The following TRIM63 variants were observed in gnomAD, a reference collection of about 807,000 sequenced individuals.
The protein encoded by TRIM63 is E3 ubiquitin-protein ligase TRIM63.
TRIM63 carries 48 observed loss-of-function variants against 46.0 expected under a neutral mutation model. The ratio of observed to expected loss-of-function variants is 1.04; its 90% CI spans 0.83 to 1.33. The LOEUF is 1.33. TRIM63 is among the 40% of genes most tolerant of loss of function. TRIM63 has a pLI of 0.00. For synonymous variants in TRIM63, 175 were observed against 162.8 expected (o/e 1.08, Z -0.57); for missense variants, 455 against 441.2 (o/e 1.03, Z -0.28).
chr1:26,053,317 A>G (rs997102334), intron 8 of TRIM63, among the ~76,000 whole-genome samples: 4 of 152,078 alleles, frequency 2.6e-5, no homozygotes, highest in Non-Finnish European at 5.9e-5. Flanking sequence ...CAGTGGCACG[A>G]TCTCGGCTCA....
intron 2 of TRIM63, among the ~76,000 whole-genome samples, chr1:26,061,760 A>G (rs1224704619): frequency 6.6e-6 from 1 of 152,228 alleles, no homozygotes; most frequent in Non-Finnish European, 1.5e-5. Flanking sequence ...CCTAGAGTTC[A>G]GTTGCTCTAA....
intron 2 of TRIM63, among the ~76,000 whole-genome samples, chr1:26,061,541 G>A (rs574318408): frequency 6.6e-6 from 1 of 152,176 alleles, no homozygotes; most frequent in Non-Finnish European, 1.5e-5. Flanking sequence ...TTCATCTTCT[G>A]GGGACCAAGG....
rs2050545615 is a variant in TRIM63 at position 26,053,942 on chromosome 1, A to G, written c.1002T>C (p.Ile334=). Residue 334 remains isoleucine (I), a synonymous_variant, in exon 8 of 9, where the codon ATT becomes ATC. Transcript: ENST00000374272. ...FGTDEEEEEF[I]EEEDQEEEES... is the part of the protein sequence containing the mutation. ...CTTCCTCTTCCTGATCTTCTTCTTC[A>G]ATGAATTCTTCCTCTTCCTCATCTG... The G allele has an allele frequency of 3.1e-6, 5 of 1,593,334 alleles. No homozygotes were observed. The highest frequency in any genetic ancestry group is 4.3e-6 in the Non-Finnish European group (5 of 1,174,194).
At chr1:26,063,806 G>C (rs1449228066) in intron 2 of TRIM63, among the ~76,000 whole-genome samples, 2 of 152,218 alleles carry the variant, frequency 1.3e-5, no homozygotes, top group African/African-American at 4.8e-5. Context: ...TCAATAGAGG[G>C]CAGCTGTCAT....
chr1:26,053,837 A>G, intron 8 of TRIM63, 56 bp downstream of exon 8: 1 of 1,338,322 alleles, frequency 7.5e-7, no homozygotes, highest in South Asian at 1.2e-5. Context: ...TAGGCACCTC[A>G]GATTGTTGTG....
rs1283090093 is a variant in TRIM63, at chr1:26,066,412, C to T, written c.188G>A (p.Gly63Asp). 1 of 1,604,708 alleles carries T rather than the reference C, an allele frequency of 6.2e-7. No individual in the cohort carries two copies. Among genetic ancestry groups the T allele is most frequent in the Non-Finnish European group, 8.5e-7 (1 of 1,174,562 alleles). ...GCCTCCAGACATGGACACTGAGCTG[C>T]CCCGGCTGGTCCAGTAGGGATTTGC... ...QAANPYWTSRGSSVSMSGGRF... is the reference protein window; with the variant it reads ...QAANPYWTSRDSSVSMSGGRF... The change falls in exon 2 of 9, where the codon GGC (glycine) becomes GAC (aspartate). Residue 63 changes from glycine to aspartate, a missense_variant. Gly to Asp is a moderately conservative substitution (Grantham distance 94, BLOSUM62 -1). Coordinates refer to ENST00000374272, the MANE Select transcript of TRIM63 (RefSeq NM_032588.4).
At chr1:26,058,298 G>A in intron 5 of TRIM63, 92 bp downstream of exon 5, 1 of 1,126,322 alleles carries the variant, frequency 8.9e-7, no homozygotes, top group Non-Finnish European at 1.3e-6. Flanking sequence ...GCTTTTCCAA[G>A]GGCCCATGGG....
chr1:26,053,773 TG>T, intron 8 of TRIM63, 119 bp downstream of exon 8: 2 of 754,186 alleles, frequency 2.7e-6, no homozygotes, highest in Non-Finnish European at 2.2e-6. Context: ...AAGCACGTGC[TG>T]GGGACAGTTC....
In TRIM63 at chr1:26,057,202, C is replaced by T. The variant is rs112224658; in HGVS notation, c.979+1G>A. On this transcript the variant is annotated splice_donor_variant, in intron 7 of 8. Transcript: ENST00000374272. LOFTEE classifies it high-confidence loss of function. Reference sequence around the variant, plus strand: ...ACAAGTGGCATCACCACCTCCTTTACCTGTCCCAAAGTCAATGGCTCTCAG... The same window carrying T: ...ACAAGTGGCATCACCACCTCCTTTATCTGTCCCAAAGTCAATGGCTCTCAG... 1 of 1,614,022 alleles carries T rather than the reference C, an allele frequency of 6.2e-7. No individual in the cohort carries two copies. The highest frequency in any genetic ancestry group is 1.3e-5 in the African/African-American group (1 of 74,926).
At chr1:26,055,148 T>C (rs2050559671) in intron 7 of TRIM63, among the ~76,000 whole-genome samples, 1 of 152,196 alleles carries the variant, frequency 6.6e-6, no homozygotes, top group South Asian at 2.1e-4. Context: ...TGAATCTGCA[T>C]CGTCTTATAA....
chr1:26,053,960 C>T lies in TRIM63; in HGVS notation c.984G>A (p.Glu328=), dbSNP rs1002476028. 1.6e-5 allele frequency: 25 copies of T among 1,582,320 alleles called. No homozygotes were observed. The highest frequency in any genetic ancestry group is 2.1e-5 in the Non-Finnish European group (24 of 1,169,776). ...CTTCTTCAATGAATTCTTCCTCTTC[C>T]TCATCTGTGACAAAAAAACATTTGT... ...ALRAIDFGTD[E]EEEEFIEEED... The change falls in exon 8 of 9, where the codon GAG becomes GAA. Residue 328 remains glutamate (E), a synonymous_variant. Coordinates refer to ENST00000374272, the MANE Select transcript of TRIM63 (RefSeq NM_032588.4).
chr1:26,052,955 T>C (rs973081451), intron 8 of TRIM63, among the ~76,000 whole-genome samples: 3 of 152,222 alleles, frequency 2.0e-5, no homozygotes, highest in African/African-American at 7.2e-5. Flanking sequence ...AATTTTTTCT[T>C]TTAAGAGACA....
At chr1:26,057,683 C>G (rs771550932) in intron 5 of TRIM63, 33 bp from the exon 6 acceptor site, 41 of 1,590,058 alleles carry the variant, frequency 2.6e-5, no homozygotes, top group Admixed American at 3.7e-5. Flanking sequence ...GGATTAGGAC[C>G]GCAGAAGAGG....
intron 8 of TRIM63, among the ~76,000 whole-genome samples, chr1:26,052,569 C>T (rs189551133): frequency 1.1e-3 from 164 of 152,198 alleles, no homozygotes; most frequent in African/African-American, 3.8e-3. Flanking sequence ...GGGGTTCTAG[C>T]GATTCTCCTG....
chr1:26,057,304 C>T lies in TRIM63; in HGVS notation c.878G>A (p.Cys293Tyr). Residue 293 changes from cysteine to tyrosine, a missense_variant, in exon 7 of 9, where the codon TGC becomes TAC. By Grantham distance (194) the Cys-to-Tyr change is radical. Transcript: ENST00000374272. ...IKSIVEASKG[C>Y]QLGKTEQGFE... ...GCCCTGCTCTGTCTTCCCCAGCTGG[C>T]AGCCCTTGGAAGCTTCCACAATGCT... 1 of 1,614,180 alleles carries T rather than the reference C, an allele frequency of 6.2e-7. No homozygotes were observed. Among genetic ancestry groups the T allele is most frequent in the Non-Finnish European group, 8.5e-7 (1 of 1,180,038 alleles).
chr1:26,062,344 T>A (rs991384857), intron 2 of TRIM63, among the ~76,000 whole-genome samples: 14 of 151,986 alleles, frequency 9.2e-5, no homozygotes, highest in African/African-American at 3.4e-4. Context: ...ATATTCACCA[T>A]CTTGAATTTA....
At chr1:26,063,459 T>A (rs1036877717) in intron 2 of TRIM63, among the ~76,000 whole-genome samples, 2 of 152,164 alleles carry the variant, frequency 1.3e-5, no homozygotes, top group Non-Finnish European at 2.9e-5. Context: ...TCCAGGCTTG[T>A]CTTTTTGCAT....
chr1:26,067,092 C>T (rs945910839), intron 1 of TRIM63, among the ~76,000 whole-genome samples: 3 of 151,996 alleles, frequency 2.0e-5, no homozygotes, highest in African/African-American at 7.3e-5. Flanking sequence ...AACAGCAGTG[C>T]TCAGGGCAGG....
intron 3 of TRIM63, 150 bp downstream of exon 3, chr1:26,061,016 C>T (rs2050620772): frequency 1.1e-6 from 1 of 877,582 alleles, no homozygotes; most frequent in Non-Finnish European, 1.7e-6. Context: ...AAGGCCAGGG[C>T]TGCTGTCCCT....
Sources: gnomAD v4.1 joint callset for allele counts (sites outside exome capture counted in the v4.1 genomes callset) on GRCh38, gnomAD v4.1.1 for gene constraint, MANE v1.5 for transcripts, NCBI Gene and HGNC (gene_info 2026-07-23, HGNC 2026-07-21) for gene names.